LARGE1: variants seen among roughly 807,000 people sequenced by gnomAD.
LARGE1 encodes the protein xylosyl- and glucuronyltransferase LARGE1.
Under a neutral mutation model 87.6 loss-of-function variants are expected in LARGE1, and 43 were observed. The observed-to-expected ratio is 0.49, with a 90% CI of 0.38 to 0.63. The LOEUF (loss-of-function observed/expected upper bound fraction) is 0.63. Among genes scored for constraint, LARGE1 ranks in the 30% least tolerant of loss-of-function variants. The pLI is 0.00. For missense variants in LARGE1, 802 were observed against 1,000.2 expected (o/e 0.80, Z 2.67); for synonymous variants, 434 against 394.6 (o/e 1.10, Z -1.18).
chr22:33,454,534 G>C (rs562996909), intron 6 of LARGE1, among the ~76,000 whole-genome samples: 288 of 151,182 alleles, frequency 1.9e-3, no homozygotes, highest in Non-Finnish European at 3.2e-3. Flanking sequence ...CAGGGGAATT[G>C]CTTGAATCCG....
intron 2 of LARGE1, among the ~76,000 whole-genome samples, chr22:33,665,583 T>C (rs760370675): frequency 4.6e-5 from 7 of 152,170 alleles, no homozygotes; most frequent in Non-Finnish European, 8.8e-5. Context: ...ACGGGTTTAT[T>C]GTCCCCATTT....
At chr22:33,332,138 T>G (rs1401055612) in intron 10 of LARGE1, among the ~76,000 whole-genome samples, 2 of 152,178 alleles carry the variant, frequency 1.3e-5, no homozygotes, top group Non-Finnish European at 2.9e-5. Flanking sequence ...ATGGTTTGGC[T>G]GTGTCCCCAC....
chr22:33,533,613 G>A (rs1347142679), intron 6 of LARGE1, among the ~76,000 whole-genome samples: 1 of 152,134 alleles, frequency 6.6e-6, no homozygotes, highest in Non-Finnish European at 1.5e-5. Flanking sequence ...CTAATATCAA[G>A]TCGGGAAACG....
At chr22:33,693,162 C>T (rs1437603363) in intron 2 of LARGE1, among the ~76,000 whole-genome samples, 1 of 152,132 alleles carries the variant, frequency 6.6e-6, no homozygotes, top group Non-Finnish European at 1.5e-5. Context: ...AACCAAACAC[C>T]ACACGTTTTC....
intron 6 of LARGE1, among the ~76,000 whole-genome samples, chr22:33,433,457 G>T (rs1236839275): frequency 6.6e-6 from 1 of 151,846 alleles, no homozygotes; most frequent in South Asian, 2.1e-4. Flanking sequence ...TTAGCCAGGC[G>T]TGGTGGCGGG....
intron 1 of LARGE1, among the ~76,000 whole-genome samples, chr22:33,915,274 C>T (rs1707119594): frequency 6.6e-6 from 1 of 152,178 alleles, no homozygotes; most frequent in Admixed American, 6.5e-5. Flanking sequence ...ACCTACCCTC[C>T]CATTCTCAAT....
At chr22:33,070,853 T>C in the LARGE1 span, among the ~76,000 whole-genome samples, 1 of 152,118 alleles carries the variant, frequency 6.6e-6, no homozygotes, top group South Asian at 2.1e-4. Context: ...GAGCAAAGGC[T>C]CGAAAGTAAA....
chr22:33,521,601 A>G (rs2148508980), intron 6 of LARGE1, among the ~76,000 whole-genome samples: 1 of 152,344 alleles, frequency 6.6e-6, no homozygotes, highest in Non-Finnish European at 1.5e-5. Context: ...AAGTGGACAT[A>G]GATGCCTCCT....
chr22:33,907,017 C>A (rs772713458), intron 1 of LARGE1, among the ~76,000 whole-genome samples: 6 of 152,038 alleles, frequency 3.9e-5, no homozygotes, highest in Non-Finnish European at 7.4e-5. Flanking sequence ...AGGAAAATGG[C>A]AAAAGCTAAG....
intron 4 of LARGE1, among the ~76,000 whole-genome samples, chr22:33,616,452 A>G (rs2079583975): frequency 6.6e-6 from 1 of 152,132 alleles, no homozygotes; most frequent in Non-Finnish European, 1.5e-5. Flanking sequence ...GGATTGCTTG[A>G]ACCCAAGAGG....
upstream of LARGE1, chr22:33,922,800 C>T (rs948397233): frequency 6.6e-6 from 1 of 151,598 alleles, no homozygotes; most frequent in African/African-American, 2.4e-5. Context: ...AGTTCTTCCT[C>T]TGACGTGCAG....
the LARGE1 span, among the ~76,000 whole-genome samples, chr22:33,091,558 T>TTAAATAAA: frequency 1.9e-5 from 1 of 52,276 alleles, no homozygotes; most frequent in Non-Finnish European, 4.2e-5. Flanking sequence ...AGACTCCATC[T>TTAAATAAA]CAAATAAATA....
intron 2 of LARGE1, among the ~76,000 whole-genome samples, chr22:33,760,275 A>T (rs192266906): frequency 6.6e-6 from 1 of 152,308 alleles, no homozygotes; most frequent in Admixed American, 6.5e-5. Context: ...CACAGGCAAA[A>T]CATTGCACTG....
intron 11 of LARGE1, among the ~76,000 whole-genome samples, chr22:33,239,272 T>C (rs980651417): frequency 6.6e-6 from 1 of 152,096 alleles, no homozygotes; most frequent in Admixed American, 6.5e-5. Context: ...CTTAAATACA[T>C]ATTGCCAACT....
intron 1 of LARGE1, among the ~76,000 whole-genome samples, chr22:33,894,445 C>T (rs1272666733): frequency 6.6e-6 from 1 of 152,128 alleles, no homozygotes; most frequent in East Asian, 1.9e-4. Context: ...TTATTCCTGA[C>T]CCCCTTGTCT....
chr22:33,120,557 G>A, the LARGE1 span, among the ~76,000 whole-genome samples: 2 of 150,998 alleles, frequency 1.3e-5, no homozygotes, highest in African/African-American at 4.9e-5. Flanking sequence ...GGGGTGCAGC[G>A]GCATGATGCA....
chr22:33,425,884 G>T (rs1324406604), intron 7 of LARGE1, among the ~76,000 whole-genome samples: 1 of 152,080 alleles, frequency 6.6e-6, no homozygotes, highest in Non-Finnish European at 1.5e-5. Context: ...CTACAGGCAC[G>T]TGCCACCATG....
intron 9 of LARGE1, among the ~76,000 whole-genome samples, chr22:33,345,528 T>C (rs1437989016): frequency 2.0e-5 from 3 of 152,226 alleles, no homozygotes; most frequent in Non-Finnish European, 4.4e-5. Context: ...GGAAGTTGCA[T>C]GCCAGGTGGG....
intron 6 of LARGE1, among the ~76,000 whole-genome samples, chr22:33,451,651 C>T (rs988422908): frequency 6.6e-6 from 1 of 151,904 alleles, no homozygotes; most frequent in Non-Finnish European, 1.5e-5. Context: ...CTCTGCCTCC[C>T]AGGTTCAAGC....
Sources: allele counts gnomAD v4.1 joint callset (sites outside exome capture counted in the v4.1 genomes callset), GRCh38; gene constraint gnomAD v4.1.1; transcripts MANE v1.5; gene names NCBI Gene and HGNC (gene_info 2026-07-23, HGNC 2026-07-21).